The following SEMA3E variants were observed in gnomAD, a reference collection of about 807,000 sequenced individuals.
The protein encoded by SEMA3E is semaphorin 3E.
A neutral mutation model predicts 93.6 loss-of-function variants in SEMA3E; 49 were observed. That is an observed-to-expected ratio of 0.52 (90% CI 0.42 to 0.66). SEMA3E has a LOEUF of 0.66. Among genes scored for constraint, SEMA3E ranks in the 30% least tolerant of loss-of-function variants. The probability of loss-of-function intolerance (pLI) is 0.00; values close to 1 mark genes in which losing one functional copy is unlikely to be tolerated. For missense variants in SEMA3E, 906 were observed against 964.8 expected (o/e 0.94, Z 0.81); for synonymous variants, 363 against 330.7 (o/e 1.10, Z -1.06).
chr7:83,444,277 C>A (rs1293597179), intron 4 of SEMA3E, among the ~76,000 whole-genome samples: 2 of 152,138 alleles, frequency 1.3e-5, no homozygotes, highest in Non-Finnish European at 2.9e-5. Flanking sequence ...AAACATGGCA[C>A]AAAATCTCGT....
At chr7:83,638,520 A>G (rs1282531890) in intron 1 of SEMA3E, among the ~76,000 whole-genome samples, 3 of 152,260 alleles carry the variant, frequency 2.0e-5, no homozygotes, top group Admixed American at 1.3e-4. Flanking sequence ...ATCTTTAAAA[A>G]TATTTAAATT....
chr7:83,459,917 C>A (rs1431777713), intron 4 of SEMA3E, among the ~76,000 whole-genome samples: 1 of 152,174 alleles, frequency 6.6e-6, no homozygotes, highest in Non-Finnish European at 1.5e-5. Flanking sequence ...CACCTTGCGA[C>A]CCCCACTCCT....
intron 2 of SEMA3E, among the ~76,000 whole-genome samples, chr7:83,477,643 C>A (rs1790043542): frequency 6.6e-6 from 1 of 152,000 alleles, no homozygotes. Context: ...AATATGATAA[C>A]TACACACAAA....
At chr7:83,506,651 A>G (rs765453771) in intron 1 of SEMA3E, among the ~76,000 whole-genome samples, 66 of 152,326 alleles carry the variant, frequency 4.3e-4, no homozygotes, top group Non-Finnish European at 7.8e-4. Context: ...AACTTAGGTC[A>G]TGCTAAAATT....
At chr7:83,389,146 C>T (rs192234142) in intron 14 of SEMA3E, among the ~76,000 whole-genome samples, 11 of 151,968 alleles carry the variant, frequency 7.2e-5, no homozygotes, top group Admixed American at 2.6e-4. Flanking sequence ...GAAAAAATAA[C>T]AAGCAAAAGT....
intron 1 of SEMA3E, among the ~76,000 whole-genome samples, chr7:83,615,334 T>C (rs191226967): frequency 1.2e-4 from 18 of 152,184 alleles, no homozygotes; most frequent in Admixed American, 1.1e-3. Flanking sequence ...TCAATTCATA[T>C]GAGATTTTTT....
intron 1 of SEMA3E, among the ~76,000 whole-genome samples, chr7:83,647,873 T>G (rs2115730633): frequency 6.6e-6 from 1 of 152,336 alleles, no homozygotes; most frequent in African/African-American, 2.4e-5. Context: ...TAATTTATAT[T>G]AGTTGTTAAT....
At chr7:83,512,569 AAGTC>A (rs1790846905) in intron 1 of SEMA3E, among the ~76,000 whole-genome samples, 1 of 152,344 alleles carries the variant, frequency 6.6e-6, no homozygotes, top group East Asian at 1.9e-4. Context: ...ACAGAAAAAA[AAGTC>A]AGATAATGAT....
At chr7:83,595,650 T>A (rs1275736229) in intron 1 of SEMA3E, among the ~76,000 whole-genome samples, 1 of 152,044 alleles carries the variant, frequency 6.6e-6, no homozygotes, top group Non-Finnish European at 1.5e-5. Context: ...TTGATACTTA[T>A]AAAGTACAAG....
chr7:83,533,581 T>G (rs201859764), intron 1 of SEMA3E, among the ~76,000 whole-genome samples: 14,295 of 50,748 alleles, frequency 0.28, 938 homozygotes, highest in South Asian at 0.52. Context: ...TAAAATAAAA[T>G]AAAATAAAAT....
intron 11 of SEMA3E, among the ~76,000 whole-genome samples, chr7:83,397,075 AT>A (rs907604297): frequency 3.9e-5 from 4 of 101,848 alleles, no homozygotes; most frequent in Non-Finnish European, 9.8e-5. Flanking sequence ...AGAAGCCTTC[AT>A]CTAAGAAAAA....
At chr7:83,616,693 G>A (rs1281514526) in intron 1 of SEMA3E, 1 of 453,000 alleles carries the variant, frequency 2.2e-6, no homozygotes, top group African/African-American at 2.0e-5. Context: ...TCCCACCTCT[G>A]ACAAGAAACA....
intron 3 of SEMA3E, 70 bp from the exon 4 acceptor site, chr7:83,466,671 T>C: frequency 6.3e-7 from 1 of 1,581,884 alleles, no homozygotes; most frequent in Admixed American, 1.7e-5. Flanking sequence ...TGATTTTTGT[T>C]TTTCCTAGCC....
intron 4 of SEMA3E, among the ~76,000 whole-genome samples, chr7:83,458,241 T>C (rs1485282280): frequency 6.6e-6 from 1 of 151,738 alleles, no homozygotes; most frequent in East Asian, 1.9e-4. Context: ...CAATATCATG[T>C]GTATGAAGTG....
At chr7:83,493,104 T>C (rs1289299883) in intron 1 of SEMA3E, among the ~76,000 whole-genome samples, 1 of 151,968 alleles carries the variant, frequency 6.6e-6, no homozygotes, top group African/African-American at 2.4e-5. Flanking sequence ...TAAATTGCAT[T>C]TTTAAAATGA....
chr7:83,502,067 C>T (rs1790607504), intron 1 of SEMA3E, among the ~76,000 whole-genome samples: 1 of 152,146 alleles, frequency 6.6e-6, no homozygotes, highest in African/African-American at 2.4e-5. Context: ...GACAAACCAA[C>T]TCCTTTCCCA....
chr7:83,547,871 A>G (rs1041483367), intron 1 of SEMA3E, among the ~76,000 whole-genome samples: 1 of 152,000 alleles, frequency 6.6e-6, no homozygotes, highest in Non-Finnish European at 1.5e-5. Context: ...GAAAAAGTTC[A>G]CCCACTCTGA....
intron 1 of SEMA3E, among the ~76,000 whole-genome samples, chr7:83,577,698 G>A (rs1020826507): frequency 1.3e-5 from 2 of 152,164 alleles, no homozygotes; most frequent in Non-Finnish European, 2.9e-5. Context: ...TGAAATGTGA[G>A]ATAGATGTTA....
intron 1 of SEMA3E, among the ~76,000 whole-genome samples, chr7:83,559,681 C>G (rs1005458298): frequency 1.3e-5 from 2 of 152,030 alleles, no homozygotes; most frequent in African/African-American, 4.8e-5. Flanking sequence ...CAAAACTAAA[C>G]ACATTCTTAC....
Sources: allele counts gnomAD v4.1 joint callset (sites outside exome capture counted in the v4.1 genomes callset), GRCh38; gene constraint gnomAD v4.1.1; transcripts MANE v1.5; gene names NCBI Gene and HGNC (gene_info 2026-07-23, HGNC 2026-07-21).